RAPGEF4: variants seen among roughly 807,000 people sequenced by gnomAD.
The protein encoded by RAPGEF4 is Rap guanine nucleotide exchange factor 4, also known as RAP guanine-nucleotide-exchange factor (GEF) 4.
A neutral mutation model predicts 147.9 loss-of-function variants in RAPGEF4; 66 were observed. The ratio of observed to expected loss-of-function variants is 0.45; its 90% CI spans 0.37 to 0.55. The LOEUF (loss-of-function observed/expected upper bound fraction) is 0.55, where lower values mean the gene tolerates loss of function less well. Ranked by LOEUF, RAPGEF4 falls within the 20% of genes least tolerant of loss-of-function variation. The pLI is 0.00. For synonymous variants in RAPGEF4, 419 were observed against 442.7 expected, an observed-to-expected ratio of 0.95 and a Z score of 0.67; for missense variants, 1,071 against 1,257.3, an observed-to-expected ratio of 0.85 and a Z score of 2.24.
intron 17 of RAPGEF4, among the ~76,000 whole-genome samples, chr2:173,011,814 T>A (rs963223002): frequency 1.3e-5 from 2 of 151,570 alleles, no homozygotes; most frequent in African/African-American, 4.9e-5. Flanking sequence ...TTTGAAAATA[T>A]ATTTATTTCT....
chr2:173,014,369 G>C (rs1575521115), intron 17 of RAPGEF4, 95 bp from the exon 18 acceptor site: 2 of 1,513,658 alleles, frequency 1.3e-6, no homozygotes, highest in East Asian at 4.6e-5. Flanking sequence ...TAAAAGCCTG[G>C]CTTTCTGAAG....
chr2:172,896,101 A>G (rs1046938274), intron 4 of RAPGEF4, among the ~76,000 whole-genome samples: 2 of 152,214 alleles, frequency 1.3e-5, no homozygotes, highest in African/African-American at 4.8e-5. Flanking sequence ...GCCAGATTAC[A>G]TGAACTGCCG....
At chr2:172,865,467 GGAGTCAGCCAA>G (rs1344378917) in intron 4 of RAPGEF4, among the ~76,000 whole-genome samples, 3 of 152,182 alleles carry the variant, frequency 2.0e-5, no homozygotes, top group Non-Finnish European at 4.4e-5. Context: ...AGTTTCTTGA[GGAGTCAGCCAA>G]GACCAAAAAG....
chr2:172,797,468 C>A, intron 2 of RAPGEF4, 57 bp from the exon 3 acceptor site: 1 of 1,404,570 alleles, frequency 7.1e-7, no homozygotes, highest in Non-Finnish European at 9.9e-7. Flanking sequence ...ACTGGCAGAT[C>A]ATATAGTAAA....
chr2:172,993,348 T>A (rs1288385394), intron 15 of RAPGEF4, among the ~76,000 whole-genome samples: 1 of 152,192 alleles, frequency 6.6e-6, no homozygotes, highest in African/African-American at 2.4e-5. Context: ...TTCGTTACTG[T>A]GTTGCTTTTA....
intron 6 of RAPGEF4, among the ~76,000 whole-genome samples, chr2:172,935,634 T>G (rs1173170268): frequency 6.6e-6 from 1 of 152,246 alleles, no homozygotes; most frequent in Non-Finnish European, 1.5e-5. Context: ...GATGCACTTA[T>G]GAAAATAATG....
intron 25 of RAPGEF4, among the ~76,000 whole-genome samples, chr2:173,029,962 A>G (rs905937052): frequency 2.0e-5 from 3 of 152,262 alleles, no homozygotes; most frequent in Non-Finnish European, 4.4e-5. Flanking sequence ...AACGTCTTCA[A>G]CTTTCTAAAA....
chr2:172,971,755 AT>A (rs10670731), intron 10 of RAPGEF4, among the ~76,000 whole-genome samples: 82 of 149,082 alleles, frequency 5.5e-4, no homozygotes, highest in Middle Eastern at 3.4e-3. Context: ...CACATACCCC[AT>A]TTTTTTTTTG....
rs528580553 is a variant in RAPGEF4 at position 172,858,250 on chromosome 2, A to C, written c.444+43825A>C. 1.3e-3 allele frequency among the ~76,000 whole-genome samples: 193 copies of C among 152,232 alleles called. 3 individuals carry two copies. Among genetic ancestry groups the C allele is most frequent in the Admixed American group, 5.4e-3 (83 of 15,298 alleles). On this transcript the variant is annotated intron_variant, in intron 4 of 30. Coordinates refer to ENST00000397081, the MANE Select transcript of RAPGEF4 (RefSeq NM_007023.4). The stretch of plus-strand genomic sequence containing the variant: ...TGAATTAACATTTACCAAATTATTA[A>C]TTTCATCGTATTCCTCTTACCCCTT...
Position 172,954,481 on chromosome 2 carries a change from G to A in RAPGEF4, c.538-6279G>A, listed in dbSNP as rs562767474. Reference sequence around the variant, plus strand: ...TTTTGAACTTAGGGGAAAAGACTTGGGGAGGAAAAAGAAGCCTTCAAATGG... The same window carrying A: ...TTTTGAACTTAGGGGAAAAGACTTGAGGAGGAAAAAGAAGCCTTCAAATGG... On this transcript the variant is annotated intron_variant, in intron 6 of 30. Coordinates refer to ENST00000397081, the MANE Select transcript of RAPGEF4 (RefSeq NM_007023.4). Among the ~76,000 whole-genome samples, 323 of 152,248 alleles carry A rather than the reference G, an allele frequency of 2.1e-3. 1 individual carries two copies. The highest frequency in any genetic ancestry group is 7.4e-3 in the African/African-American group (306 of 41,536).
At chr2:172,977,276 T>G (rs1200246099) in intron 10 of RAPGEF4, among the ~76,000 whole-genome samples, 1 of 152,162 alleles carries the variant, frequency 6.6e-6, no homozygotes, top group Non-Finnish European at 1.5e-5. Context: ...ACAGGATCTC[T>G]TCTCCATTTT....
At chr2:172,978,866 G>A (rs1691380811) in intron 10 of RAPGEF4, among the ~76,000 whole-genome samples, 1 of 152,174 alleles carries the variant, frequency 6.6e-6, no homozygotes, top group Non-Finnish European at 1.5e-5. Context: ...CATTTTGCAT[G>A]TTAAAATATC....
intron 19 of RAPGEF4, 35 bp from the exon 20 acceptor site, chr2:173,017,139 G>C: frequency 6.3e-7 from 1 of 1,590,282 alleles, no homozygotes; most frequent in Non-Finnish European, 8.6e-7. Context: ...TAGTAGCAAT[G>C]GTATTAAATA....
At chr2:172,794,768 C>T (rs998812490) in intron 1 of RAPGEF4, among the ~76,000 whole-genome samples, 1 of 152,152 alleles carries the variant, frequency 6.6e-6, no homozygotes, top group African/African-American at 2.4e-5. Flanking sequence ...AGAGTATCAC[C>T]TTGAACTTAG....
intron 4 of RAPGEF4, among the ~76,000 whole-genome samples, chr2:172,842,039 C>T (rs942441700): frequency 1.3e-5 from 2 of 152,080 alleles, no homozygotes; most frequent in Admixed American, 6.5e-5. Flanking sequence ...GCATTTTACT[C>T]GGGAGGCTAG....
chr2:172,879,499 A>G (rs1365545322), intron 4 of RAPGEF4, among the ~76,000 whole-genome samples: 2 of 152,172 alleles, frequency 1.3e-5, no homozygotes. Context: ...TTTTTACTCT[A>G]CGTACTTCTG....
chr2:172,892,898 A>T (rs574859999), intron 4 of RAPGEF4, among the ~76,000 whole-genome samples: 1 of 152,378 alleles, frequency 6.6e-6, no homozygotes, highest in East Asian at 1.9e-4. Flanking sequence ...AGACTTCTGC[A>T]TGCATTGGTC....
At chr2:172,811,284 G>C (rs116537712) in intron 3 of RAPGEF4, among the ~76,000 whole-genome samples, 1 of 152,230 alleles carries the variant, frequency 6.6e-6, no homozygotes, top group Admixed American at 6.5e-5. Context: ...ATCTGGCAGG[G>C]CTCCAGCAGC....
At chr2:172,919,892 G>A (rs1283662704) in intron 5 of RAPGEF4, among the ~76,000 whole-genome samples, 1 of 151,930 alleles carries the variant, frequency 6.6e-6, no homozygotes, top group Non-Finnish European at 1.5e-5. Context: ...CATCACCCCT[G>A]CTTGCCCGGG....
Sources: allele counts gnomAD v4.1 joint callset (sites outside exome capture counted in the v4.1 genomes callset), GRCh38; gene constraint gnomAD v4.1.1; transcripts MANE v1.5; gene names NCBI Gene and HGNC (gene_info 2026-07-23, HGNC 2026-07-21).